Variants in PLD5 observed in about 807,000 individuals in gnomAD.
The protein encoded by PLD5 is inactive phospholipase D5.
In PLD5, 36 loss-of-function variants were observed where a neutral mutation model predicts 61.1. The observed-to-expected ratio is 0.59, with a 90% CI of 0.45 to 0.78. The LOEUF is 0.78. Among genes scored for constraint, PLD5 ranks in the 30% least tolerant of loss-of-function variants. The pLI, the probability that PLD5 is intolerant of heterozygous loss-of-function variation, is 0.00. For missense variants in PLD5, 515 were observed against 644.4 expected (o/e 0.80, Z 2.17); for synonymous variants, 243 against 242.8 (o/e 1.00, Z -0.01).
intron 5 of PLD5, among the ~76,000 whole-genome samples, chr1:242,219,671 T>G (rs746524322): frequency 4.6e-5 from 7 of 152,228 alleles, no homozygotes; most frequent in Non-Finnish European, 8.8e-5. Flanking sequence ...CCCTGTCTCA[T>G]AGATGATGTA....
chr1:242,189,494 G>A (rs1196932696), intron 5 of PLD5, among the ~76,000 whole-genome samples: 1 of 151,516 alleles, frequency 6.6e-6, no homozygotes, highest in African/African-American at 2.4e-5. Flanking sequence ...GTCCACACTG[G>A]GCTGGGGTGT....
rs1675166245 is a variant in PLD5 at position 242,288,583 on chromosome 1, C to T, written c.327-53G>A. The T allele has an allele frequency of 3.2e-5, 50 of 1,560,450 alleles. No individual in the cohort carries two copies. The South Asian group carries it at 6.0e-4, about 19-fold the overall frequency. ...AACAAAATCTAGTCAAATTTGAAGC[C>T]ACAGATCTTTATATATGCATACAGC... is the stretch of plus-strand genomic sequence containing the variant. On this transcript the variant is annotated intron_variant, in intron 2 of 9. Transcript: ENST00000536534.
chr1:242,297,130 G>A (rs1219043521), intron 2 of PLD5, among the ~76,000 whole-genome samples: 2 of 152,036 alleles, frequency 1.3e-5, no homozygotes, highest in African/African-American at 4.8e-5. Context: ...CAGATCATGA[G>A]GTCAAGAGAT....
chr1:242,213,570 A>G (rs1246958163), intron 5 of PLD5, among the ~76,000 whole-genome samples: 2 of 152,042 alleles, frequency 1.3e-5, no homozygotes, highest in African/African-American at 4.8e-5. Context: ...TTTAAATATT[A>G]TCAGAAATTA....
intron 3 of PLD5, among the ~76,000 whole-genome samples, chr1:242,274,324 G>A (rs1164531384): frequency 2.0e-5 from 3 of 152,220 alleles, no homozygotes; most frequent in East Asian, 1.9e-4. Flanking sequence ...ATGTGGGGGC[G>A]GAGGATCACT....
chr1:242,404,616 C>T (rs1664122252), intron 1 of PLD5, among the ~76,000 whole-genome samples: 1 of 151,858 alleles, frequency 6.6e-6, no homozygotes, highest in Non-Finnish European at 1.5e-5. Context: ...CTTAGTTGCT[C>T]ATGGCACCGC....
At chr1:242,090,632 C>G (rs1024309239) in intron 9 of PLD5, among the ~76,000 whole-genome samples, 8 of 152,314 alleles carry the variant, frequency 5.3e-5, no homozygotes, top group East Asian at 1.9e-4. Context: ...AGGATCCGGC[C>G]CCTTGGCCCC....
chr1:242,152,929 C>G (rs1665050445), intron 5 of PLD5, among the ~76,000 whole-genome samples: 2 of 152,170 alleles, frequency 1.3e-5, no homozygotes, highest in African/African-American at 4.8e-5. Flanking sequence ...GAGGAATCGC[C>G]ACACTGTCTT....
chr1:242,303,649 CT>C (rs958968102), intron 2 of PLD5, among the ~76,000 whole-genome samples: 1 of 152,130 alleles, frequency 6.6e-6, no homozygotes, highest in Non-Finnish European at 1.5e-5. Flanking sequence ...CAAGTTGCCT[CT>C]TCAAATTAAA....
chr1:242,183,873 C>T (rs564915539), intron 5 of PLD5, among the ~76,000 whole-genome samples: 53 of 151,822 alleles, frequency 3.5e-4, no homozygotes, highest in Non-Finnish European at 7.1e-4. Flanking sequence ...CCAGCCTGGG[C>T]GACAGAGCGA....
intron 1 of PLD5, among the ~76,000 whole-genome samples, chr1:242,403,990 A>C (rs543067928): frequency 1.3e-5 from 2 of 152,174 alleles, no homozygotes; most frequent in Non-Finnish European, 2.9e-5. Flanking sequence ...TTCGGAAAAA[A>C]TTCCAGAAGT....
At chr1:242,205,528 C>A (rs886945396) in intron 5 of PLD5, among the ~76,000 whole-genome samples, 1 of 152,064 alleles carries the variant, frequency 6.6e-6, no homozygotes, top group Non-Finnish European at 1.5e-5. Flanking sequence ...TCTAAACAGC[C>A]CAGGTAACCT....
intron 1 of PLD5, among the ~76,000 whole-genome samples, chr1:242,449,768 G>A (rs1395477293): frequency 6.6e-6 from 1 of 152,186 alleles, no homozygotes; most frequent in Non-Finnish European, 1.5e-5. Flanking sequence ...CACCGTGCTG[G>A]TGTCCACACA....
At chr1:242,395,276 C>G (rs1220050988) in intron 1 of PLD5, among the ~76,000 whole-genome samples, 2 of 151,964 alleles carry the variant, frequency 1.3e-5, no homozygotes, top group African/African-American at 2.4e-5. Flanking sequence ...CACTTAGGTA[C>G]TACGCCTTCC....
chr1:242,492,522 C>CA (rs35988130), intron 1 of PLD5, among the ~76,000 whole-genome samples: 50,316 of 122,042 alleles, frequency 0.41, 9,319 homozygotes, highest in African/African-American at 0.5. Context: ...AACTCCGTCT[C>CA]AAAAAAAAAA....
At chr1:242,163,195 G>C (rs953072793) in intron 5 of PLD5, among the ~76,000 whole-genome samples, 15 of 149,226 alleles carry the variant, frequency 1.0e-4, no homozygotes, top group Admixed American at 2.0e-4. Flanking sequence ...CCAGGCTGGA[G>C]TGCAGTGGCG....
intron 2 of PLD5, among the ~76,000 whole-genome samples, chr1:242,338,738 T>C (rs911648277): frequency 2.0e-5 from 3 of 152,278 alleles, no homozygotes; most frequent in South Asian, 2.1e-4. Flanking sequence ...TTTCTGGATA[T>C]GGGGCTAATC....
intron 3 of PLD5, among the ~76,000 whole-genome samples, chr1:242,265,960 T>C (rs1356462348): frequency 6.6e-6 from 1 of 152,264 alleles, no homozygotes; most frequent in Non-Finnish European, 1.5e-5. Context: ...AATTAGCTGT[T>C]AAGAGGGAAA....
chr1:242,387,513 T>A (rs1186712776), intron 1 of PLD5, among the ~76,000 whole-genome samples: 1 of 152,072 alleles, frequency 6.6e-6, no homozygotes, highest in African/African-American at 2.4e-5. Flanking sequence ...ATTGGAGGGA[T>A]ACCTACAAGG....
Sources: gnomAD v4.1 joint callset for allele counts (sites outside exome capture counted in the v4.1 genomes callset) on GRCh38, gnomAD v4.1.1 for gene constraint, MANE v1.5 for transcripts, NCBI Gene and HGNC (gene_info 2026-07-23, HGNC 2026-07-21) for gene names.